Variants in ADGRA3 observed in about 807,000 individuals in gnomAD.
The protein encoded by ADGRA3 is adhesion G protein-coupled receptor A3, also known as G-protein coupled receptor 125.
ADGRA3 carries 56 observed loss-of-function variants against 119.8 expected under a neutral mutation model. That is an observed-to-expected ratio of 0.47 (90% CI 0.38 to 0.58). The LOEUF is 0.58. Ranked by LOEUF, ADGRA3 falls within the 20% of genes least tolerant of loss-of-function variation. The pLI is 0.00. For missense variants in ADGRA3, 1,516 were observed against 1,649.0 expected (o/e 0.92, Z 1.40); for synonymous variants, 607 against 623.8 (o/e 0.97, Z 0.40).
intron 5 of ADGRA3, among the ~76,000 whole-genome samples, chr4:22,447,138 A>G (rs1343146653): frequency 1.3e-5 from 2 of 152,160 alleles, no homozygotes; most frequent in Non-Finnish European, 2.9e-5. Context: ...AAATTTAATT[A>G]GTCAAACAAG....
At position 22,413,272 on chromosome 4, in the gene ADGRA3, G is replaced by A. The variant is rs1715289109; in HGVS notation, c.2142C>T (p.Gly714=). 6.2e-7 allele frequency: 1 copy of A among 1,613,884 alleles called. No homozygotes were observed. The highest frequency in any genetic ancestry group is 1.3e-5 in the African/African-American group (1 of 74,894). Residue 714 remains glycine (G), a synonymous_variant, in exon 14 of 19, where the codon GGC becomes GGT. Transcript: ENST00000334304. ...WDFDLLNGQG[G]WKSDGCHILY... is the part of the protein sequence containing the mutation. Reference sequence around the variant, plus strand: ...GTATATGGCACCCATCTGACTTCCAGCCTCCTTGTCCGTTCAGCAAATCGA... The same window carrying A: ...GTATATGGCACCCATCTGACTTCCAACCTCCTTGTCCGTTCAGCAAATCGA...
At position 22,442,726 on chromosome 4, in the gene ADGRA3, T is replaced by A; in HGVS notation, c.844A>T (p.Arg282Ter). ...TGCGATTCATCGGTTTCAACTATTC[T>A]CCCATCCTGATACCACAACACTTGC... ...DMQVLWYQDG[R>*]IVETDESQGI... is the part of the protein sequence containing the mutation. The change falls in exon 7 of 19, where the codon AGA (arginine) becomes TGA (stop). Residue 282 changes from arginine to a stop codon, truncating the protein, a stop_gained. Coordinates refer to ENST00000334304, the MANE Select transcript of ADGRA3 (RefSeq NM_145290.4). LOFTEE classifies it high-confidence loss of function. 1 of 1,613,518 alleles carries A rather than the reference T, an allele frequency of 6.2e-7. No individual in the cohort carries two copies. Among genetic ancestry groups the A allele is most frequent in the Non-Finnish European group, 8.5e-7 (1 of 1,179,604 alleles).
At chr4:22,492,781 A>G (rs1205250242) in intron 1 of ADGRA3, among the ~76,000 whole-genome samples, 1 of 152,222 alleles carries the variant, frequency 6.6e-6, no homozygotes, top group Admixed American at 6.5e-5. Context: ...ATTAGAAAAC[A>G]AAGACTAGCC....
chr4:22,506,655 G>C (rs1577390027), intron 1 of ADGRA3, among the ~76,000 whole-genome samples: 1 of 152,036 alleles, frequency 6.6e-6, no homozygotes, highest in Non-Finnish European at 1.5e-5. Context: ...TGCCTTCTGG[G>C]AGGCACCTAC....
intron 11 of ADGRA3, among the ~76,000 whole-genome samples, chr4:22,421,553 A>T (rs1050500750): frequency 2.0e-5 from 3 of 152,186 alleles, no homozygotes; most frequent in Non-Finnish European, 2.9e-5. Flanking sequence ...CTTTCACAGG[A>T]AGATCATTAA....
rs1396664365 is a variant in ADGRA3, at chr4:22,470,365, G to GCA, written c.329+3405_329+3406dup. Among the ~76,000 whole-genome samples the GCA allele has an allele frequency of 5.5e-5, 8 of 145,466 alleles. No homozygotes were observed. In the South Asian group the frequency reaches 6.6e-4, roughly 12 times the overall value. ...ACCTAAATATTCCTATGAAAATAAA[G>GCA]CACACACACACACTGCTATCTTCCT... is the stretch of plus-strand genomic sequence containing the variant. On this transcript the variant is annotated intron_variant, in intron 2 of 18. Coordinates refer to ENST00000334304, the MANE Select transcript of ADGRA3 (RefSeq NM_145290.4).
At chr4:22,505,078 T>C (rs999298142) in intron 1 of ADGRA3, among the ~76,000 whole-genome samples, 2 of 152,118 alleles carry the variant, frequency 1.3e-5, no homozygotes, top group African/African-American at 4.8e-5. Context: ...GCCAGGAGCA[T>C]CCTTCACCAT....
chr4:22,441,636 T>C (rs1220021358), intron 7 of ADGRA3, among the ~76,000 whole-genome samples: 3 of 152,118 alleles, frequency 2.0e-5, no homozygotes, highest in Non-Finnish European at 4.4e-5. Context: ...GTCCAGTCTA[T>C]AATCCAAAAC....
At chr4:22,443,111 A>T (rs1350710740) in intron 6 of ADGRA3, 10 of 679,732 alleles carry the variant, frequency 1.5e-5, no homozygotes, top group Non-Finnish European at 2.6e-5. Flanking sequence ...GTGGCATCCT[A>T]AGAGTATCAG....
intron 1 of ADGRA3, among the ~76,000 whole-genome samples, chr4:22,484,061 C>T (rs912047041): frequency 2.0e-5 from 3 of 152,040 alleles, no homozygotes; most frequent in African/African-American, 7.2e-5. Flanking sequence ...ATTATATTAT[C>T]ACAACCTAAA....
chr4:22,500,445 A>G lies in ADGRA3; in HGVS notation c.257+15083T>C, dbSNP rs943743585. Among the ~76,000 whole-genome samples, 18 of 116,376 alleles carry G rather than the reference A, an allele frequency of 1.5e-4. No homozygotes were observed. In the South Asian group the frequency reaches 6.0e-3, roughly 39 times the overall value. 76.3% of individuals were successfully genotyped at this position (116,376 alleles called of 152,430 possible). On this transcript the variant is annotated intron_variant, in intron 1 of 18. Transcript: ENST00000334304. ...TGGCACAGCACCTAGAACACGATCAACATTCCAACGTTGGTTGTTATTAGA... is the reference window on the plus strand; with the variant it reads ...TGGCACAGCACCTAGAACACGATCAGCATTCCAACGTTGGTTGTTATTAGA...
At chr4:22,490,318 A>G (rs1318265239) in intron 1 of ADGRA3, among the ~76,000 whole-genome samples, 1 of 152,172 alleles carries the variant, frequency 6.6e-6, no homozygotes, top group East Asian at 1.9e-4. Context: ...AAGACAACCC[A>G]TTTTTTAAGG....
intron 1 of ADGRA3, among the ~76,000 whole-genome samples, chr4:22,511,544 T>C (rs1024038417): frequency 6.6e-6 from 1 of 152,146 alleles, no homozygotes; most frequent in Non-Finnish European, 1.5e-5. Context: ...TTATTTTTCA[T>C]GATTTAAAAA....
intron 1 of ADGRA3, among the ~76,000 whole-genome samples, chr4:22,487,553 G>C (rs774209587): frequency 6.6e-6 from 1 of 152,072 alleles, no homozygotes; most frequent in Non-Finnish European, 1.5e-5. Context: ...CCAAGGTCTG[G>C]GGGTTGGTGA....
intron 1 of ADGRA3, among the ~76,000 whole-genome samples, chr4:22,484,720 G>C (rs760686376): frequency 2.0e-5 from 3 of 152,014 alleles, no homozygotes; most frequent in Non-Finnish European, 4.4e-5. Flanking sequence ...CTAAGGAAGT[G>C]GCATTTCACT....
intron 14 of ADGRA3, among the ~76,000 whole-genome samples, chr4:22,410,861 G>GA (rs1284912311): frequency 1.3e-5 from 2 of 151,822 alleles, no homozygotes; most frequent in Non-Finnish European, 2.9e-5. Context: ...TTAAGAAAAG[G>GA]AAAAAGTCTT....
At chr4:22,402,423 T>C (rs962195469) in intron 15 of ADGRA3, among the ~76,000 whole-genome samples, 9 of 152,126 alleles carry the variant, frequency 5.9e-5, no homozygotes, top group Non-Finnish European at 2.9e-5. Context: ...CCAATACCTA[T>C]TGCCCATATT....
intron 4 of ADGRA3, among the ~76,000 whole-genome samples, chr4:22,453,200 C>CAA (rs530504605): frequency 0.063 from 1,353 of 21,534 alleles, 48 homozygotes; most frequent in African/African-American, 0.13. Context: ...GACTCCATCT[C>CAA]AAAAAAAAAA....
intron 10 of ADGRA3, among the ~76,000 whole-genome samples, chr4:22,427,455 T>C (rs978130463): frequency 6.7e-6 from 1 of 149,544 alleles, no homozygotes; most frequent in Non-Finnish European, 1.5e-5. Flanking sequence ...CTTGTGTTAA[T>C]AATTATAAAA....
Sources: gnomAD v4.1 joint callset for allele counts (sites outside exome capture counted in the v4.1 genomes callset) on GRCh38, gnomAD v4.1.1 for gene constraint, MANE v1.5 for transcripts, NCBI Gene and HGNC (gene_info 2026-07-23, HGNC 2026-07-21) for gene names.